Variants in SNX24 observed in about 807,000 individuals in gnomAD.
SNX24 encodes the protein sorting nexin 24, also known as sorting nexin-24.
Under a neutral mutation model 28.7 loss-of-function variants are expected in SNX24, and 22 were observed. That is an observed-to-expected ratio of 0.77 (90% CI 0.55 to 1.10). The LOEUF is 1.10. SNX24 is among the 50% of genes least tolerant of loss of function. The probability of loss-of-function intolerance (pLI) is 0.00; values close to 1 mark genes in which losing one functional copy is unlikely to be tolerated. For missense variants in SNX24, 221 were observed against 201.1 expected (o/e 1.10, Z -0.60); for synonymous variants, 69 against 71.5 (o/e 0.96, Z 0.18).
At position 123,001,848 on chromosome 5, in the gene SNX24, C is replaced by T. The variant is rs1762259576; in HGVS notation, c.378-92C>T. On this transcript the variant is annotated intron_variant, in intron 5 of 6. Coordinates refer to ENST00000261369, the MANE Select transcript of SNX24 (RefSeq NM_014035.4). ...GAACATAAACCTTGAGACGTCCCCG[C>T]ACAGCAGTTTGATCCCCTCAAAGCT... 5.8e-6 allele frequency: 6 copies of T among 1,034,826 alleles called. No individual in the cohort carries two copies. The Admixed American group carries it at 1.0e-4, about 18-fold the overall frequency. The allele number at this position is 1,034,826 out of a possible 1,614,324, so 64.1% of individuals were successfully genotyped here.
In SNX24 at chr5:122,922,463, C is replaced by T. The variant is rs200145575; in HGVS notation, c.61-14271C>T. Among the ~76,000 whole-genome samples, 165 of 151,906 alleles carry T rather than the reference C, an allele frequency of 1.1e-3. No homozygotes were observed. The East Asian group carries it at 0.025, about 23-fold the overall frequency. ...AGACGGGGTTTCACCATGTTGGCCA[C>T]GCTGGTCTCGAACTCCTGACATCAG... On this transcript the variant is annotated intron_variant, in intron 1 of 6. Transcript: ENST00000261369.
At chr5:122,897,524 G>C (rs1007010901) in intron 1 of SNX24, among the ~76,000 whole-genome samples, 1 of 152,132 alleles carries the variant, frequency 6.6e-6, no homozygotes, top group South Asian at 2.1e-4. Context: ...CACTCTCCTA[G>C]GATAGAACTA....
At position 122,946,014 on chromosome 5, in the gene SNX24, GT is replaced by G. The variant is rs574269067; in HGVS notation, c.145-30del. 2.8e-3 allele frequency: 2,450 copies of G among 874,972 alleles called. 2 individuals carry two copies. Among genetic ancestry groups the G allele is most frequent in the Non-Finnish European group, 3.6e-3 (2,192 of 608,882 alleles). 54.2% of individuals were successfully genotyped at this position (874,972 alleles called of 1,614,324 possible). On this transcript the variant is annotated intron_variant, in intron 2 of 6. Coordinates refer to ENST00000261369, the MANE Select transcript of SNX24 (RefSeq NM_014035.4). ...ATCACTATAATTAACAGACATCTCT[GT>G]TTTTTTTTTTCTTTTTCTTTTCCTA...
At chr5:123,029,065 TA>T in intron 5 of SNX24, 1 of 826,390 alleles carries the variant, frequency 1.2e-6, no homozygotes, top group Non-Finnish European at 1.8e-6. Flanking sequence ...AGTAGAGTAT[TA>T]ATGTGAATAA....
intron 1 of SNX24, among the ~76,000 whole-genome samples, chr5:122,886,056 C>T (rs1282293011): frequency 6.6e-6 from 1 of 152,128 alleles, no homozygotes; most frequent in East Asian, 1.9e-4. Context: ...GGCCCCTGTG[C>T]TAGAGGACAG....
chr5:122,947,470 G>A (rs1759738493), intron 3 of SNX24, among the ~76,000 whole-genome samples: 1 of 152,110 alleles, frequency 6.6e-6, no homozygotes, highest in Non-Finnish European at 1.5e-5. Context: ...CTGACATGCA[G>A]AAGGCCCCTG....
intron 5 of SNX24, chr5:123,029,002 G>A: frequency 1.1e-6 from 1 of 871,872 alleles, no homozygotes; most frequent in Non-Finnish European, 1.7e-6. Context: ...CCCAGCTATG[G>A]TTTACTGAGA....
intron 2 of SNX24, among the ~76,000 whole-genome samples, chr5:122,943,775 C>T (rs1052124164): frequency 3.9e-5 from 6 of 152,160 alleles, no homozygotes; most frequent in African/African-American, 1.4e-4. Flanking sequence ...AGTCACAGGT[C>T]CCACTCATGC....
intron 5 of SNX24, among the ~76,000 whole-genome samples, chr5:123,027,425 A>C (rs759929017): frequency 2.0e-5 from 3 of 152,212 alleles, no homozygotes; most frequent in Non-Finnish European, 4.4e-5. Flanking sequence ...GGCAGAGTGA[A>C]GCTCAGTCAC....
chr5:123,011,037 T>C (rs1041588747), downstream of SNX24, among the ~76,000 whole-genome samples: 2 of 152,220 alleles, frequency 1.3e-5, no homozygotes, highest in African/African-American at 4.8e-5. Context: ...AGGTTGTGCA[T>C]TGCACAAGTC....
intron 1 of SNX24, among the ~76,000 whole-genome samples, chr5:122,882,917 A>G (rs1174973276): frequency 6.6e-6 from 1 of 152,042 alleles, no homozygotes; most frequent in African/African-American, 2.4e-5. Context: ...ATATATAGGG[A>G]AAAATGGGAG....
intron 1 of SNX24, among the ~76,000 whole-genome samples, chr5:122,916,755 A>C (rs1217743998): frequency 1.3e-5 from 2 of 152,192 alleles, no homozygotes; most frequent in African/African-American, 4.8e-5. Flanking sequence ...ACTAGGTTGA[A>C]TGATAATCTT....
intron 1 of SNX24, among the ~76,000 whole-genome samples, chr5:122,870,911 C>T (rs1416137228): frequency 6.6e-6 from 1 of 152,188 alleles, no homozygotes; most frequent in Non-Finnish European, 1.5e-5. Flanking sequence ...ACGTCGTTGT[C>T]TGCTAAAACC....
intron 3 of SNX24, among the ~76,000 whole-genome samples, chr5:122,994,878 A>G (rs1419550180): frequency 6.6e-6 from 1 of 152,210 alleles, no homozygotes; most frequent in Non-Finnish European, 1.5e-5. Flanking sequence ...TTTTTACAAA[A>G]TACACTCTAT....
At chr5:122,851,318 C>T (rs1754909375) in intron 1 of SNX24, among the ~76,000 whole-genome samples, 1 of 152,044 alleles carries the variant, frequency 6.6e-6, no homozygotes, top group African/African-American at 2.4e-5. Flanking sequence ...GCACGAGCCA[C>T]CATGTCTGGC....
intron 1 of SNX24, among the ~76,000 whole-genome samples, chr5:122,860,490 C>T (rs1755409233): frequency 6.6e-6 from 1 of 152,176 alleles, no homozygotes; most frequent in Non-Finnish European, 1.5e-5. Flanking sequence ...CTTACTCTAT[C>T]TTTTATTCCA....
At chr5:122,940,949 A>G (rs1025821075) in intron 2 of SNX24, among the ~76,000 whole-genome samples, 5 of 152,058 alleles carry the variant, frequency 3.3e-5, no homozygotes, top group Non-Finnish European at 5.9e-5. Context: ...CTTTTCCACC[A>G]TTCCTCGTCT....
chr5:122,873,949 T>C (rs1255524882), intron 1 of SNX24, among the ~76,000 whole-genome samples: 2 of 152,094 alleles, frequency 1.3e-5, no homozygotes, highest in Admixed American at 6.5e-5. Context: ...TGTGTATTTT[T>C]AGTAGAGATG....
intron 2 of SNX24, 47 bp from the exon 3 acceptor site, chr5:122,946,008 A>G: frequency 1.0e-6 from 1 of 964,880 alleles, no homozygotes; most frequent in Non-Finnish European, 1.5e-6. Flanking sequence ...ATTAACAGAC[A>G]TCTCTGTTTT....
Sources: gnomAD v4.1 joint callset for allele counts (sites outside exome capture counted in the v4.1 genomes callset) on GRCh38, gnomAD v4.1.1 for gene constraint, MANE v1.5 for transcripts, NCBI Gene and HGNC (gene_info 2026-07-23, HGNC 2026-07-21) for gene names.